DIAPH3: variants seen among roughly 807,000 people sequenced by gnomAD.
DIAPH3 encodes the protein protein diaphanous homolog 3.
DIAPH3 carries 117 observed loss-of-function variants against 144.3 expected under a neutral mutation model. The ratio of observed to expected loss-of-function variants is 0.81; its 90% CI spans 0.70 to 0.95. The LOEUF is 0.95. Ranked by LOEUF, DIAPH3 falls within the 40% of genes least tolerant of loss-of-function variation. The pLI, the probability that DIAPH3 is intolerant of heterozygous loss-of-function variation, is 0.00. For synonymous variants in DIAPH3, 519 were observed against 488.9 expected (o/e 1.06, Z -0.81); for missense variants, 1,421 against 1,412.7 (o/e 1.01, Z -0.09).
intron 4 of DIAPH3, among the ~76,000 whole-genome samples, chr13:60,055,945 C>A (rs1249929562): frequency 1.3e-5 from 2 of 151,560 alleles, no homozygotes; most frequent in African/African-American, 4.8e-5. Flanking sequence ...GTATAGTCCT[C>A]CTTGTATAGT....
At position 59,871,755 on chromosome 13, in the gene DIAPH3, G is replaced by A. The variant is rs780316322; in HGVS notation, c.2607+7474C>T. The stretch of plus-strand genomic sequence containing the variant: ...AGCCTTGTTCTTTCTGTTTTTGAAG[G>A]TTATTCATTATTGATTCAAGTATTT... On this transcript the variant is annotated intron_variant, in intron 21 of 27. Transcript: ENST00000400324. Among the ~76,000 whole-genome samples the A allele has an allele frequency of 1.0e-3, 158 of 152,202 alleles. No individual in the cohort carries two copies. In the Middle Eastern group the frequency reaches 0.017, roughly 16 times the overall value.
chr13:59,834,214 C>A (rs914010298), intron 23 of DIAPH3, among the ~76,000 whole-genome samples: 1 of 151,544 alleles, frequency 6.6e-6, no homozygotes, highest in Non-Finnish European at 1.5e-5. Flanking sequence ...TGGCAAATTG[C>A]TAATGCAGTC....
At chr13:59,879,182 A>T in intron 21 of DIAPH3, 47 bp downstream of exon 21, 1 of 1,612,432 alleles carries the variant, frequency 6.2e-7, no homozygotes, top group Non-Finnish European at 8.5e-7. Flanking sequence ...CTGACATTTA[A>T]GAGCAAGTGT....
chr13:59,889,525 A>C (rs1432361929), intron 20 of DIAPH3, among the ~76,000 whole-genome samples: 2 of 151,918 alleles, frequency 1.3e-5, no homozygotes, highest in Non-Finnish European at 2.9e-5. Context: ...TTCTTTGAAG[A>C]TCATTTGCTT....
intron 27 of DIAPH3, 53 bp from the exon 28 acceptor site, chr13:59,666,899 T>G: frequency 6.3e-7 from 1 of 1,597,900 alleles, no homozygotes; most frequent in Non-Finnish European, 8.6e-7. Flanking sequence ...AACCAAGGAC[T>G]GTGCACGTTA....
At chr13:59,724,887 T>C (rs763343368) in intron 27 of DIAPH3, among the ~76,000 whole-genome samples, 2 of 152,208 alleles carry the variant, frequency 1.3e-5, no homozygotes, top group Non-Finnish European at 2.9e-5. Flanking sequence ...CATCTTGCAC[T>C]ATTGTTGCTG....
At chr13:59,993,132 G>A (rs1157971693) in intron 9 of DIAPH3, among the ~76,000 whole-genome samples, 1 of 151,682 alleles carries the variant, frequency 6.6e-6, no homozygotes, top group East Asian at 1.9e-4. Context: ...TCATACTTTG[G>A]CAAAAATTCA....
chr13:59,992,034 T>C (rs2051855246), intron 11 of DIAPH3, 34 bp downstream of exon 11: 1 of 1,543,808 alleles, frequency 6.5e-7, no homozygotes, highest in Non-Finnish European at 9.0e-7. Flanking sequence ...TAATTTTATA[T>C]ATGATTTGAC....
chr13:59,678,656 T>C (rs753060699), intron 27 of DIAPH3, among the ~76,000 whole-genome samples: 9 of 152,204 alleles, frequency 5.9e-5, no homozygotes, highest in African/African-American at 9.7e-5. Context: ...TCAGAAAACA[T>C]CTGTTCGTTT....
chr13:59,811,685 C>T (rs1593516198), intron 24 of DIAPH3, among the ~76,000 whole-genome samples: 2 of 142,742 alleles, frequency 1.4e-5, no homozygotes, highest in African/African-American at 5.3e-5. Flanking sequence ...TGCAGTGAGC[C>T]GAGATCGCAC....
In DIAPH3 at chr13:59,778,365, T is replaced by G. The variant is rs1162856499; in HGVS notation, c.3164-3542A>C. On this transcript the variant is annotated intron_variant, in intron 25 of 27. Transcript: ENST00000400324. Reference sequence around the variant, plus strand: ...CCCACTGAGGGCAGGGATTATAGATTTCATTTATCTTCAACACCTGGCAAA... The same window carrying G: ...CCCACTGAGGGCAGGGATTATAGATGTCATTTATCTTCAACACCTGGCAAA... Among the ~76,000 whole-genome samples the G allele has an allele frequency of 2.0e-5, 3 of 152,374 alleles. No individual in the cohort carries two copies. The East Asian group carries it at 5.8e-4, about 29-fold the overall frequency.
chr13:59,934,412 A>T (rs1348466328), intron 17 of DIAPH3, among the ~76,000 whole-genome samples: 1 of 152,210 alleles, frequency 6.6e-6, no homozygotes, highest in Non-Finnish European at 1.5e-5. Context: ...ATAAGCAAGC[A>T]TTCTTCTCTA....
At chr13:59,838,759 T>C (rs1423295010) in intron 23 of DIAPH3, 2 of 153,470 alleles carry the variant, frequency 1.3e-5, no homozygotes, top group Non-Finnish European at 2.9e-5. Context: ...AGGGAAAAGA[T>C]GAGAGAACAT....
chr13:60,115,094 A>G (rs1277783287), intron 2 of DIAPH3, among the ~76,000 whole-genome samples: 3 of 152,186 alleles, frequency 2.0e-5, no homozygotes, highest in Admixed American at 6.5e-5. Context: ...AATCATAAGA[A>G]AGAAAAAATA....
rs183454771 is a variant in DIAPH3, at chr13:59,784,710, G to A, written c.3164-9887C>T. ...TAATATTTCAGTAGTAGTAAGTGAC[G>A]TGAAGATTACAATCTGGAATTTGGA... On this transcript the variant is annotated intron_variant, in intron 25 of 27. Coordinates refer to ENST00000400324, the MANE Select transcript of DIAPH3 (RefSeq NM_001042517.2). Among the ~76,000 whole-genome samples, 6 of 152,204 alleles carry A rather than the reference G, an allele frequency of 3.9e-5. No homozygotes were observed. The East Asian group carries it at 1.2e-3, about 29-fold the overall frequency.
chr13:59,870,400 G>A (rs1003370250), intron 21 of DIAPH3, among the ~76,000 whole-genome samples: 2 of 151,900 alleles, frequency 1.3e-5, no homozygotes, highest in Admixed American at 1.3e-4. Flanking sequence ...CTGGAAGTCA[G>A]GGAGTGTCAG....
chr13:59,948,255 T>G (rs796861778), intron 17 of DIAPH3, among the ~76,000 whole-genome samples: 11 of 152,302 alleles, frequency 7.2e-5, no homozygotes, highest in African/African-American at 2.6e-4. Flanking sequence ...TATTTTCCAT[T>G]ATTTCATCCC....
chr13:59,972,402 G>A (rs907426390), intron 15 of DIAPH3, among the ~76,000 whole-genome samples: 1 of 152,174 alleles, frequency 6.6e-6, no homozygotes, highest in African/African-American at 2.4e-5. Context: ...TTTGTAATAT[G>A]AGTAGCTTCT....
At chr13:59,863,517 G>A (rs1399990509) in intron 21 of DIAPH3, among the ~76,000 whole-genome samples, 1 of 152,032 alleles carries the variant, frequency 6.6e-6, no homozygotes, top group African/African-American at 2.4e-5. Flanking sequence ...GGAAGAATGG[G>A]AGATTTCCGT....
Sources: gnomAD v4.1 joint callset for allele counts (sites outside exome capture counted in the v4.1 genomes callset) on GRCh38, gnomAD v4.1.1 for gene constraint, MANE v1.5 for transcripts, NCBI Gene and HGNC (gene_info 2026-07-23, HGNC 2026-07-21) for gene names.